CFAP54: variants seen among roughly 807,000 people sequenced by gnomAD.
The protein encoded by CFAP54 is cilia- and flagella-associated protein 54.
In CFAP54, 290 loss-of-function variants were observed where a neutral mutation model predicts 370.4. That is an observed-to-expected ratio of 0.78 (90% CI 0.71 to 0.86). CFAP54 has a LOEUF of 0.86. Among genes scored for constraint, CFAP54 ranks in the 40% least tolerant of loss-of-function variants. The pLI is 0.00. For missense variants in CFAP54, 3,399 were observed against 3,528.7 expected (o/e 0.96, Z 0.93); for synonymous variants, 1,206 against 1,236.5 (o/e 0.98, Z 0.52).
chr12:96,753,618 A>T (rs1958215522), intron 55 of CFAP54, 125 bp from the exon 56 acceptor site: 2 of 899,144 alleles, frequency 2.2e-6, no homozygotes, highest in Non-Finnish European at 3.3e-6. Context: ...GGATGCTAAA[A>T]ACTGTAAAAA....
intron 50 of CFAP54, among the ~76,000 whole-genome samples, chr12:96,730,393 C>T (rs1957907639): frequency 6.6e-6 from 1 of 152,102 alleles, no homozygotes; most frequent in African/African-American, 2.4e-5. Context: ...ACAGCCATAA[C>T]AGAGAGTTAG....
At chr12:96,696,851 A>C (rs1240002785) in intron 45 of CFAP54, among the ~76,000 whole-genome samples, 3 of 152,212 alleles carry the variant, frequency 2.0e-5, no homozygotes, top group African/African-American at 7.2e-5. Context: ...GACCTTTCTG[A>C]AGTAAACTGG....
At chr12:96,868,593 A>G (rs1960070383) in intron 67 of CFAP54, among the ~76,000 whole-genome samples, 1 of 152,012 alleles carries the variant, frequency 6.6e-6, no homozygotes, top group South Asian at 2.1e-4. Context: ...AATCTAGACC[A>G]TTTAGTTATT....
intron 64 of CFAP54, 92 bp from the exon 65 acceptor site, chr12:96,817,683 G>A: frequency 1.4e-6 from 1 of 718,942 alleles, no homozygotes; most frequent in Non-Finnish European, 2.0e-6. Context: ...GCCTCCCAAA[G>A]TGCTGGGATT....
At chr12:96,789,695 C>T (rs1958667232) in intron 62 of CFAP54, among the ~76,000 whole-genome samples, 1 of 152,136 alleles carries the variant, frequency 6.6e-6, no homozygotes. Context: ...GTTGTAAATA[C>T]AAGTGACATT....
At chr12:96,806,195 T>A (rs1958877631) in intron 63 of CFAP54, among the ~76,000 whole-genome samples, 2 of 77,348 alleles carry the variant, frequency 2.6e-5, no homozygotes, top group Non-Finnish European at 5.5e-5. Context: ...TATATATATA[T>A]ATATATATAT....
intron 17 of CFAP54, among the ~76,000 whole-genome samples, chr12:96,556,917 G>C (rs2136403286): frequency 6.6e-6 from 1 of 152,242 alleles, no homozygotes; most frequent in Middle Eastern, 3.4e-3. Context: ...TGAAGGGTGG[G>C]ATGAGGGAGA....
chr12:96,708,904 C>A, intron 48 of CFAP54, 101 bp downstream of exon 48: 1 of 945,178 alleles, frequency 1.1e-6, no homozygotes, highest in Non-Finnish European at 1.5e-6. Flanking sequence ...ATATATTCTT[C>A]CACAGTTTTC....
chr12:96,797,888 G>A (rs969330147), intron 63 of CFAP54, among the ~76,000 whole-genome samples: 6 of 151,858 alleles, frequency 4.0e-5, no homozygotes, highest in Non-Finnish European at 7.4e-5. Context: ...GCTTTTGCTT[G>A]TCCTGGATTT....
At chr12:96,793,319 A>G (rs1958722574) in intron 63 of CFAP54, among the ~76,000 whole-genome samples, 1 of 152,192 alleles carries the variant, frequency 6.6e-6, no homozygotes, top group African/African-American at 2.4e-5. Flanking sequence ...TACTTCACTT[A>G]GAATAATAGT....
chr12:96,720,127 T>C (rs568294659), intron 49 of CFAP54, among the ~76,000 whole-genome samples: 3 of 152,224 alleles, frequency 2.0e-5, no homozygotes, highest in South Asian at 2.1e-4. Flanking sequence ...TTGCAAGAAC[T>C]TTATAGAACA....
chr12:96,696,550 GAGA>G (rs1957441694), intron 45 of CFAP54, among the ~76,000 whole-genome samples: 1 of 152,082 alleles, frequency 6.6e-6, no homozygotes, highest in African/African-American at 2.4e-5. Flanking sequence ...ATAAAAACCA[GAGA>G]AGAACTGTGG....
chr12:96,704,142 C>T (rs1427513295), intron 46 of CFAP54, among the ~76,000 whole-genome samples: 4 of 151,920 alleles, frequency 2.6e-5, no homozygotes, highest in Admixed American at 1.3e-4. Context: ...ATTTAAAATA[C>T]ATCGGCCAGG....
At chr12:96,766,659 G>A (rs899880745) in intron 60 of CFAP54, among the ~76,000 whole-genome samples, 6 of 152,134 alleles carry the variant, frequency 3.9e-5, no homozygotes, top group South Asian at 2.1e-4. Context: ...GAGGCTAATC[G>A]CTCAGTCTCT....
At chr12:96,787,427 T>C (rs2136696888) in intron 62 of CFAP54, among the ~76,000 whole-genome samples, 1 of 152,294 alleles carries the variant, frequency 6.6e-6, no homozygotes, top group Middle Eastern at 3.4e-3. Flanking sequence ...TCCCAAGATA[T>C]GTAATATGGA....
rs963329308 is a variant in CFAP54, at chr12:96,683,396, T to C, written c.5717-1252T>C. ...ATTTTCTAAAATGGCAAATTAATCT[T>C]GGTAAAGTCCTGAGCAAAACAAAGT... On this transcript the variant is annotated intron_variant, in intron 40 of 67. Transcript: ENST00000524981. Among the ~76,000 whole-genome samples the C allele has an allele frequency of 9.2e-5, 14 of 152,374 alleles. No homozygotes were observed. In the East Asian group the frequency reaches 2.1e-3, roughly 23 times the overall value.
chr12:96,595,528 G>C (rs1176753243), intron 25 of CFAP54, among the ~76,000 whole-genome samples: 1 of 152,104 alleles, frequency 6.6e-6, no homozygotes, highest in Non-Finnish European at 1.5e-5. Flanking sequence ...AGATGTGAGT[G>C]AACTCACACA....
At chr12:96,673,405 G>C (rs976228282) in intron 39 of CFAP54, among the ~76,000 whole-genome samples, 1 of 152,194 alleles carries the variant, frequency 6.6e-6, no homozygotes, top group African/African-American at 2.4e-5. Flanking sequence ...ACTGAAGACA[G>C]ACACTTTATT....
intron 22 of CFAP54, among the ~76,000 whole-genome samples, chr12:96,581,549 CG>C (rs1174387501): frequency 6.6e-6 from 1 of 151,892 alleles, no homozygotes; most frequent in African/African-American, 2.4e-5. Flanking sequence ...TACAATGTAC[CG>C]GATAGCCCGC....
Sources: gnomAD v4.1 joint callset for allele counts (sites outside exome capture counted in the v4.1 genomes callset) on GRCh38, gnomAD v4.1.1 for gene constraint, MANE v1.5 for transcripts, NCBI Gene and HGNC (gene_info 2026-07-23, HGNC 2026-07-21) for gene names.